The following TM6SF2 variants were observed in gnomAD, a reference collection of about 807,000 sequenced individuals.
The protein encoded by TM6SF2 is transmembrane 6 superfamily member 2.
In TM6SF2, 29 loss-of-function variants were observed where a neutral mutation model predicts 41.0. The ratio of observed to expected loss-of-function variants is 0.71; its 90% CI spans 0.53 to 0.96. The LOEUF is 0.96. Among genes scored for constraint, TM6SF2 ranks in the 50% least tolerant of loss-of-function variants. The pLI, the probability that TM6SF2 is intolerant of heterozygous loss-of-function variation, is 0.00. For missense variants in TM6SF2, 475 were observed against 499.0 expected (o/e 0.95, Z 0.46); for synonymous variants, 200 against 209.1 (o/e 0.96, Z 0.37).
intron 5 of TM6SF2, 55 bp downstream of exon 5, chr19:19,269,632 G>A (rs2061015615): frequency 6.2e-7 from 1 of 1,602,746 alleles, no homozygotes; most frequent in South Asian, 1.1e-5. Context: ...GCTTCTAGGT[G>A]CAGGGCAGTG....
intron 8 of TM6SF2, 119 bp downstream of exon 8, chr19:19,267,502 C>T (rs563794240): frequency 4.4e-6 from 3 of 679,290 alleles, no homozygotes; most frequent in South Asian, 2.3e-5. Flanking sequence ...TTTGGTAGGA[C>T]AGTAAATTCC....
Position 19,266,505 on chromosome 19 carries a change from A to G in TM6SF2, c.909T>C (p.Ala303=), listed in dbSNP as rs2061003376. The change falls in exon 9 of 10, where the codon GCT becomes GCC. Residue 303 remains alanine (A), a synonymous_variant. Transcript: ENST00000389363. ...GCCACCTCACCTGGCCGATGCCTCC[A>G]GCAAACACCAAGGCCCAGTCTGGAA... ...SWLPDWALVF[A]GGIGQAQFSH... is the part of the protein sequence containing the mutation. 1.2e-6 allele frequency: 2 copies of G among 1,613,912 alleles called. No individual in the cohort carries two copies. The highest frequency in any genetic ancestry group is 1.7e-6 in the Non-Finnish European group (2 of 1,179,916).
At chr19:19,273,061 T>TTTCCCCCCCCCCCCCCCC in intron 1 of TM6SF2, 60 bp downstream of exon 1, 1 of 305,470 alleles carries the variant, frequency 3.3e-6, no homozygotes, top group Non-Finnish European at 6.1e-6. Flanking sequence ...CCTCCAGTCC[T>TTTCCCCCCCCCCCCCCCC]CCCCGCCCCC....
At chr19:19,265,841 C>T (rs567845732) in intron 9 of TM6SF2, among the ~76,000 whole-genome samples, 1 of 152,280 alleles carries the variant, frequency 6.6e-6, no homozygotes, top group African/African-American at 2.4e-5. Flanking sequence ...CCCCATCTCT[C>T]TCTGACCTGG....
At chr19:19,270,528 TA>T (rs1414070551) in intron 2 of TM6SF2, 86 bp from the exon 3 acceptor site, 144 of 1,478,996 alleles carry the variant, frequency 9.7e-5, no homozygotes, top group Non-Finnish European at 1.3e-4. Context: ...GGCTTGAAGT[TA>T]AGGTCAGGGA....
intron 9 of TM6SF2, 81 bp downstream of exon 9, chr19:19,266,409 C>A: frequency 1.9e-6 from 3 of 1,572,994 alleles, no homozygotes. Context: ...TTACAGTGCC[C>A]AGGGAGGACA....
At chr19:19,270,506 T>C (rs2146579436) in intron 2 of TM6SF2, 64 bp from the exon 3 acceptor site, 1 of 1,536,346 alleles carries the variant, frequency 6.5e-7, no homozygotes, top group Non-Finnish European at 8.8e-7. Flanking sequence ...GGCTAGGGCT[T>C]AGTGTGGGCG....
chr19:19,266,035 C>T (rs944344709), intron 9 of TM6SF2, among the ~76,000 whole-genome samples: 3 of 152,146 alleles, frequency 2.0e-5, no homozygotes, highest in African/African-American at 4.8e-5. Context: ...CCTCCTCAAA[C>T]GCCCCATCAC....
At chr19:19,268,159 G>T in intron 6 of TM6SF2, 72 bp from the exon 7 acceptor site, 1 of 1,027,102 alleles carries the variant, frequency 9.7e-7, no homozygotes, top group Non-Finnish European at 1.4e-6. Context: ...ACTCAATAAA[G>T]GTTCCTAAGG....
chr19:19,267,388 AAAAG>A (rs966079231), intron 8 of TM6SF2, among the ~76,000 whole-genome samples: 16 of 99,282 alleles, frequency 1.6e-4, no homozygotes, highest in African/African-American at 5.0e-4. Flanking sequence ...AAAAAAAAGA[AAAAG>A]AAAGAAAGAA....
intron 7 of TM6SF2, 86 bp downstream of exon 7, chr19:19,267,900 C>G (rs1284746910): frequency 2.5e-6 from 3 of 1,188,306 alleles, no homozygotes; most frequent in South Asian, 2.6e-5. Context: ...CTTGGATGAT[C>G]AAACAGGAAG....
intron 9 of TM6SF2, among the ~76,000 whole-genome samples, chr19:19,265,410 C>CTATCTATG (rs2061000172): frequency 2.1e-5 from 3 of 143,920 alleles, no homozygotes; most frequent in Admixed American, 2.0e-4. Flanking sequence ...ATCTATCCAT[C>CTATCTATG]CATCCATCTA....
At chr19:19,270,823 G>T (rs1473202578) in intron 2 of TM6SF2, among the ~76,000 whole-genome samples, 199 bp downstream of exon 2, 10 of 152,208 alleles carry the variant, frequency 6.6e-5, no homozygotes, top group African/African-American at 1.9e-4. Flanking sequence ...GTTCTTAGGA[G>T]CCCCAGCTCT....
Position 19,270,253 on chromosome 19 carries a change from CGCT to C in TM6SF2, c.318_320del (p.Ala107del), listed in dbSNP as rs775791193. ...CCCAGTAGCAGATGAAGACTCCGTG[CGCT>C]GTGCGCAGGTATGGCTCTCCCTGTG... is the stretch of plus-strand genomic sequence containing the variant. On this transcript the variant is annotated inframe_deletion, in exon 4 of 10. Coordinates refer to ENST00000389363, the MANE Select transcript of TM6SF2 (RefSeq NM_001001524.3). 1 of 1,614,230 alleles carries C rather than the reference CGCT, an allele frequency of 6.2e-7. No individual in the cohort carries two copies. Among genetic ancestry groups the C allele is most frequent in the Admixed American group, 1.7e-5 (1 of 60,034 alleles).
rs749630470 is a variant in TM6SF2 at position 19,267,925 on chromosome 19, G to A, written c.711+61C>T. ...CAAACAGGAAGGGCAGTGTGGGAGAGGTGGGTCAGGGAAGGGAGACTGGTG... is the reference window on the plus strand; with the variant it reads ...CAAACAGGAAGGGCAGTGTGGGAGAAGTGGGTCAGGGAAGGGAGACTGGTG... On this transcript the variant is annotated intron_variant, in intron 7 of 9. Transcript: ENST00000389363. The A allele has an allele frequency of 1.8e-4, 245 of 1,336,770 alleles. 1 individual carries two copies. The highest frequency in any genetic ancestry group is 2.5e-4 in the Non-Finnish European group (231 of 931,988). 82.8% of individuals were successfully genotyped at this position (1,336,770 alleles called of 1,614,324 possible).
intron 9 of TM6SF2, 119 bp from the exon 10 acceptor site, chr19:19,264,992 C>T (rs535260160): frequency 1.6e-4 from 85 of 520,968 alleles, no homozygotes; most frequent in Non-Finnish European, 2.3e-4. Context: ...CCCCACCTCT[C>T]GGGCTTTGCT....
Position 19,273,284 on chromosome 19 carries a change from C to A in TM6SF2, c.-69G>T. The A allele has an allele frequency of 8.3e-7, 1 of 1,202,078 alleles. No individual in the cohort carries two copies. The highest frequency in any genetic ancestry group is 2.3e-5 in the South Asian group (1 of 43,686). 74.5% of individuals were successfully genotyped at this position (1,202,078 alleles called of 1,614,324 possible). On this transcript the variant is annotated 5_prime_UTR_variant, in exon 1 of 10. Transcript: ENST00000389363. ...AGGGCGCTCGGCTCCTCGTTGGCGG[C>A]GAGTCCGGGCCGAGGCTGCCAGGGA... is the stretch of plus-strand genomic sequence containing the variant.
chr19:19,268,148 T>A (rs2061010048), intron 6 of TM6SF2, 61 bp from the exon 7 acceptor site: 3 of 1,187,040 alleles, frequency 2.5e-6, no homozygotes, highest in Non-Finnish European at 3.6e-6. Flanking sequence ...ATTCAGTAGG[T>A]ACTCAATAAA....
chr19:19,272,595 A>G (rs2061027772), intron 1 of TM6SF2, among the ~76,000 whole-genome samples: 1 of 152,130 alleles, frequency 6.6e-6, no homozygotes, highest in Admixed American at 6.5e-5. Flanking sequence ...GACAGGGACC[A>G]GGAAAGGGAA....
Sources: gnomAD v4.1 joint callset for allele counts (sites outside exome capture counted in the v4.1 genomes callset) on GRCh38, gnomAD v4.1.1 for gene constraint, MANE v1.5 for transcripts, NCBI Gene and HGNC (gene_info 2026-07-23, HGNC 2026-07-21) for gene names.